AFAP1: variants seen among roughly 807,000 people sequenced by gnomAD.
The protein encoded by AFAP1 is actin filament associated protein 1, also known as actin filament-associated protein 1.
Under a neutral mutation model 93.9 loss-of-function variants are expected in AFAP1, and 75 were observed. The observed-to-expected ratio is 0.80, with a 90% confidence interval of 0.66 to 0.97. The LOEUF is 0.97. AFAP1 is among the 50% of genes least tolerant of loss of function. AFAP1 has a pLI of 0.00. For synonymous variants in AFAP1, 517 were observed against 430.7 expected, an observed-to-expected ratio of 1.20 and a Z score of -2.48; for missense variants, 1,201 against 1,050.8, an observed-to-expected ratio of 1.14 and a Z score of -1.98.
At chr4:7,937,160 G>T (rs1406505543) in intron 1 of AFAP1, among the ~76,000 whole-genome samples, 1 of 152,142 alleles carries the variant, frequency 6.6e-6, no homozygotes, top group East Asian at 1.9e-4. Context: ...TTGCCAAAAA[G>T]TTGCTTAAGG....
intron 1 of AFAP1, among the ~76,000 whole-genome samples, chr4:7,874,320 C>T (rs1717325462): frequency 6.6e-6 from 1 of 150,528 alleles, no homozygotes; most frequent in African/African-American, 2.4e-5. Context: ...AAAAACTTCC[C>T]AACTACCTAT....
intron 3 of AFAP1, among the ~76,000 whole-genome samples, chr4:7,863,374 G>A (rs1179236479): frequency 6.6e-6 from 1 of 152,142 alleles, no homozygotes; most frequent in African/African-American, 2.4e-5. Flanking sequence ...AGCCCAGATC[G>A]TGCCACTGCA....
chr4:7,808,864 C>A (rs1719760327), intron 9 of AFAP1, among the ~76,000 whole-genome samples: 1 of 152,140 alleles, frequency 6.6e-6, no homozygotes, highest in South Asian at 2.1e-4. Context: ...CCAGCTCCCC[C>A]TCTGCCCTTG....
intron 1 of AFAP1, among the ~76,000 whole-genome samples, chr4:7,892,596 T>G (rs1448248329): frequency 6.6e-6 from 1 of 152,172 alleles, no homozygotes; most frequent in South Asian, 2.1e-4. Context: ...CTTGATTATA[T>G]GCATCTCTCA....
intron 4 of AFAP1, among the ~76,000 whole-genome samples, chr4:7,853,256 A>C (rs1473769661): frequency 1.3e-5 from 2 of 150,018 alleles, no homozygotes; most frequent in South Asian, 2.1e-4. Context: ...CAAGTTGACC[A>C]AAGATAAACT....
intron 1 of AFAP1, among the ~76,000 whole-genome samples, chr4:7,911,917 G>T (rs1719754547): frequency 6.6e-6 from 1 of 152,148 alleles, no homozygotes; most frequent in Non-Finnish European, 1.5e-5. Context: ...TGTTCCAATG[G>T]CAACACGGGG....
At chr4:7,892,884 G>A (rs975033476) in intron 1 of AFAP1, among the ~76,000 whole-genome samples, 2 of 152,138 alleles carry the variant, frequency 1.3e-5, no homozygotes, top group African/African-American at 4.8e-5. Context: ...AAAGGCGGAT[G>A]AAAATACCCT....
rs377018246 is a variant in AFAP1, at chr4:7,787,442, T to G, written c.1413-1131A>C. Among the ~76,000 whole-genome samples, 31 of 152,212 alleles carry G rather than the reference T, an allele frequency of 2.0e-4. 1 individual carries two copies. The East Asian group carries it at 5.6e-3, about 28-fold the overall frequency. On this transcript the variant is annotated intron_variant, in intron 11 of 17. Coordinates refer to ENST00000420658, the MANE Select transcript of AFAP1 (RefSeq NM_001134647.2). ...TGGGAACCTCCAACTCACAACCTAT[T>G]GGTTAGACGCACAGGTGATATCCTG... is the stretch of plus-strand genomic sequence containing the variant.
At chr4:7,773,063 C>A in intron 15 of AFAP1, 53 bp from the exon 16 acceptor site, 3 of 1,563,642 alleles carry the variant, frequency 1.9e-6, no homozygotes, top group Middle Eastern at 1.7e-4. Context: ...GTTCTCCAAA[C>A]AACAGAGAAG....
At chr4:7,806,457 G>A (rs764692874) in intron 9 of AFAP1, among the ~76,000 whole-genome samples, 7 of 152,240 alleles carry the variant, frequency 4.6e-5, no homozygotes, top group South Asian at 4.2e-4. Context: ...TTTGAACTCC[G>A]CTTTCAGTGG....
At chr4:7,816,633 T>A (rs1720506051) in intron 7 of AFAP1, among the ~76,000 whole-genome samples, 2 of 152,102 alleles carry the variant, frequency 1.3e-5, no homozygotes, top group African/African-American at 4.8e-5. Context: ...AGTCCTAACG[T>A]CTGGATTTAA....
At chr4:7,881,509 G>A (rs747202022) in intron 1 of AFAP1, among the ~76,000 whole-genome samples, 6 of 152,210 alleles carry the variant, frequency 3.9e-5, no homozygotes, top group East Asian at 1.9e-4. Context: ...TGGGCCAGGC[G>A]CGGTGGCTCC....
chr4:7,841,867 G>A (rs1247070016), intron 5 of AFAP1, among the ~76,000 whole-genome samples: 1 of 151,438 alleles, frequency 6.6e-6, no homozygotes, highest in Non-Finnish European at 1.5e-5. Context: ...AAGCAGGGGA[G>A]GGGGGAAGAA....
chr4:7,798,948 T>G, intron 10 of AFAP1: 1 of 986,922 alleles, frequency 1.0e-6, no homozygotes, highest in African/African-American at 1.7e-5. Flanking sequence ...TCAGATCTGC[T>G]GTCAGAGCTC....
chr4:7,868,697 A>G lies in AFAP1; in HGVS notation c.150T>C (p.Ala50=). The change falls in exon 3 of 18, where the codon GCT becomes GCC. Residue 50 remains alanine, a synonymous_variant. Coordinates refer to ENST00000420658, the MANE Select transcript of AFAP1 (RefSeq NM_001134647.2). ...SSKGFDVKDH[A]QKQETANSLP... is the part of the protein sequence containing the mutation. ...GGCTGTTAGCGGTCTCCTGCTTCTGAGCATGGTCCTTCACATCAAAACCTG... is the reference window on the plus strand; with the variant it reads ...GGCTGTTAGCGGTCTCCTGCTTCTGGGCATGGTCCTTCACATCAAAACCTG... 1 of 1,613,556 alleles carries G rather than the reference A, an allele frequency of 6.2e-7. No individual in the cohort carries two copies. The highest frequency in any genetic ancestry group is 8.5e-7 in the Non-Finnish European group (1 of 1,179,958).
intron 3 of AFAP1, among the ~76,000 whole-genome samples, chr4:7,856,414 T>A (rs897600841): frequency 1.5e-4 from 23 of 152,120 alleles, no homozygotes; most frequent in African/African-American, 5.3e-4. Flanking sequence ...GGCTAATTTT[T>A]GTATTTTTAG....
intron 1 of AFAP1, among the ~76,000 whole-genome samples, chr4:7,896,191 T>A (rs915306262): frequency 1.3e-5 from 2 of 152,116 alleles, no homozygotes; most frequent in African/African-American, 4.8e-5. Context: ...ATGGTCCAAT[T>A]TCTATGGAGC....
intron 3 of AFAP1, among the ~76,000 whole-genome samples, chr4:7,859,546 G>C (rs1715441011): frequency 6.6e-6 from 1 of 152,176 alleles, no homozygotes; most frequent in African/African-American, 2.4e-5. Context: ...CTAGAAATAA[G>C]AAAGAACTGA....
intron 1 of AFAP1, among the ~76,000 whole-genome samples, chr4:7,915,180 G>C (rs1344737103): frequency 6.6e-6 from 1 of 152,232 alleles, no homozygotes; most frequent in Non-Finnish European, 1.5e-5. Context: ...CCCGCGCCCA[G>C]CCAGCTGCTC....
Sources: gnomAD v4.1 joint callset for allele counts (sites outside exome capture counted in the v4.1 genomes callset) on GRCh38, gnomAD v4.1.1 for gene constraint, MANE v1.5 for transcripts, NCBI Gene and HGNC (gene_info 2026-07-23, HGNC 2026-07-21) for gene names.